SAMD4B: variants seen among roughly 807,000 people sequenced by gnomAD.
The protein encoded by SAMD4B is protein Smaug homolog 2.
SAMD4B carries 5 observed loss-of-function variants against 74.5 expected under a neutral mutation model. The observed-to-expected ratio is 0.07, with a 90% CI of 0.04 to 0.14. SAMD4B has a LOEUF of 0.14. SAMD4B is among the 10% of genes least tolerant of loss of function. The pLI, the probability that SAMD4B is intolerant of heterozygous loss-of-function variation, is 1.00. For synonymous variants in SAMD4B, 373 were observed against 374.9 expected, an observed-to-expected ratio of 1.00 and a Z score of 0.06; for missense variants, 608 against 921.8, an observed-to-expected ratio of 0.66 and a Z score of 4.41.
chr19:39,370,239 C>G (rs954773272), intron 4 of SAMD4B, 114 bp downstream of exon 4: 10 of 1,025,992 alleles, frequency 9.7e-6, no homozygotes, highest in Non-Finnish European at 1.5e-6. Flanking sequence ...CTGTAGGCCT[C>G]AACTTTATGA....
At chr19:39,390,373 G>T (rs1195908485), downstream of SAMD4B, 3 of 1,235,654 alleles carry the variant, frequency 2.4e-6, no homozygotes, top group African/African-American at 7.5e-5. Flanking sequence ...CCTTTCAAAA[G>T]GTAGGAGGGG....
chr19:39,373,606 A>G (rs915083020), intron 4 of SAMD4B, among the ~76,000 whole-genome samples: 2 of 152,124 alleles, frequency 1.3e-5, no homozygotes, highest in Non-Finnish European at 2.9e-5. Flanking sequence ...GAGGCAGAGG[A>G]AAAAGCACAG....
Position 39,381,081 on chromosome 19 carries a change from C to G in SAMD4B, c.1940C>G (p.Ser647Trp). ...VQRTHSLPVH[S>W]SPQAILMFPP... is the part of the protein sequence containing the mutation. ...CGCACCCACTCGCTCCCGGTCCACT[C>G]GTCACCCCAGGCCATTCTCATGTTC... The change falls in exon 12 of 14, where the codon TCG becomes TGG. Residue 647 changes from serine to tryptophan, a missense_variant. Ser to Trp is a radical substitution (Grantham distance 177, BLOSUM62 -3). Transcript: ENST00000610417. The G allele has an allele frequency of 1.2e-6, 2 of 1,612,650 alleles. No individual in the cohort carries two copies. Among genetic ancestry groups the G allele is most frequent in the Non-Finnish European group, 1.7e-6 (2 of 1,179,840 alleles).
rs1445934382 is a variant in SAMD4B at position 39,380,076 on chromosome 19, G to A, written c.1641G>A (p.Gln547=). ...KAALEMQNYR[Q]QKGWAFGSNS... Reference sequence around the variant, plus strand: ...CACTAGAGATGCAGAACTACCGGCAGCAGAAAGGGTAGGCGGGTGGCCAGG... The same window carrying A: ...CACTAGAGATGCAGAACTACCGGCAACAGAAAGGGTAGGCGGGTGGCCAGG... Residue 547 remains glutamine, a synonymous_variant, in exon 10 of 14, where the codon CAG becomes CAA. Coordinates refer to ENST00000610417, the MANE Select transcript of SAMD4B (RefSeq NM_001384574.2). 2 of 1,613,230 alleles carry A rather than the reference G, an allele frequency of 1.2e-6. No individual in the cohort carries two copies. Among genetic ancestry groups the A allele is most frequent in the East Asian group, 2.2e-5 (1 of 44,864 alleles).
rs531422532 is a variant in SAMD4B, at chr19:39,362,488, A to G, written c.196+5399A>G. The stretch of plus-strand genomic sequence containing the variant: ...CCAGCATCAGTTTCATGGAAGTAGG[A>G]CATGAGGCGCAACACCTAGAAACAG... On this transcript the variant is annotated intron_variant, in intron 3 of 13. Coordinates refer to ENST00000610417, the MANE Select transcript of SAMD4B (RefSeq NM_001384574.2). Among the ~76,000 whole-genome samples the G allele has an allele frequency of 5.3e-5, 8 of 152,292 alleles. No individual in the cohort carries two copies. In the East Asian group the frequency reaches 1.5e-3, roughly 29 times the overall value.
chr19:39,353,746 C>T (rs957319845), intron 1 of SAMD4B, among the ~76,000 whole-genome samples: 12 of 152,042 alleles, frequency 7.9e-5, no homozygotes, highest in Admixed American at 5.2e-4. Flanking sequence ...GGACTACAGG[C>T]GCCCGCCACC....
At chr19:39,349,586 T>C (rs754872082) in intron 1 of SAMD4B, among the ~76,000 whole-genome samples, 1 of 142,832 alleles carries the variant, frequency 7.0e-6, no homozygotes, top group Non-Finnish European at 1.6e-5. Context: ...TTGATTCTTA[T>C]AAGAGAAGTT....
chr19:39,348,290 T>C (rs1044888173), intron 1 of SAMD4B: 2 of 152,244 alleles, frequency 1.3e-5, no homozygotes, highest in Non-Finnish European at 2.9e-5. Context: ...TCTTACAGTC[T>C]AGGTGTTTTT....
rs184376640 is a variant in SAMD4B, at chr19:39,385,373, A to C, written c.*1846A>C. ...TCAGGGTGAGCTGACTGTGCCTGGC[A>C]CTGGGAGGTGGTGAGGGACACCGTC... is the stretch of plus-strand genomic sequence containing the variant. On this transcript the variant is annotated 3_prime_UTR_variant, in exon 14 of 14. Transcript: ENST00000610417. 5.2e-4 allele frequency: 208 copies of C among 403,860 alleles called. No homozygotes were observed. The highest frequency in any genetic ancestry group is 2.6e-3 in the Admixed American group (65 of 24,796). 25.0% of individuals were successfully genotyped at this position (403,860 alleles called of 1,614,324 possible).
intron 3 of SAMD4B, among the ~76,000 whole-genome samples, chr19:39,363,072 C>G (rs1263773187): frequency 6.6e-6 from 1 of 152,164 alleles, no homozygotes; most frequent in African/African-American, 2.4e-5. Flanking sequence ...TGAGGCTACT[C>G]CAATTGTTGC....
In SAMD4B at chr19:39,371,166, C is replaced by G. The variant is rs529625409; in HGVS notation, c.667+1041C>G. Among the ~76,000 whole-genome samples the G allele has an allele frequency of 9.2e-5, 14 of 152,318 alleles. No homozygotes were observed. The South Asian group carries it at 2.9e-3, about 32-fold the overall frequency. The stretch of plus-strand genomic sequence containing the variant: ...GGGAGAGGGTTCATGATGTAAACCT[C>G]AGAGTAGCTAGTCACCTTCAGCAGG... On this transcript the variant is annotated intron_variant, in intron 4 of 13. Transcript: ENST00000610417.
Position 39,375,496 on chromosome 19 carries a change from G to A in SAMD4B, c.668-154G>A, listed in dbSNP as rs2077547030. ...TGGGTGTTGGAGGTAAGAGAATGAG[G>A]TATATCTGGTAGGCAGTTACCCTTG... On this transcript the variant is annotated intron_variant, in intron 4 of 13. Transcript: ENST00000610417. This position sits in a 1 kb window ranked among gnomAD's most constrained non-coding sequence, Gnocchi z 4.1. 6.6e-6 allele frequency among the ~76,000 whole-genome samples: 1 copy of A among 152,186 alleles called. No individual in the cohort carries two copies. The highest frequency in any genetic ancestry group is 2.1e-4 in the South Asian group (1 of 4,838).
intron 1 of SAMD4B, chr19:39,352,468 A>C (rs2076095079): frequency 6.6e-6 from 1 of 150,474 alleles, no homozygotes; most frequent in Non-Finnish European, 1.5e-5. Context: ...TAAAATTCAG[A>C]TATCTGGCTC....
Position 39,385,192 on chromosome 19 carries a change from T to G in SAMD4B, c.*1665T>G. Reference sequence around the variant, plus strand: ...CCCCGGCCCTCCATGTTTCTGTGCCTTTGCTCATCCCCTCAATCTCCCAGG... The same window carrying G: ...CCCCGGCCCTCCATGTTTCTGTGCCGTTGCTCATCCCCTCAATCTCCCAGG... On this transcript the variant is annotated 3_prime_UTR_variant, in exon 14 of 14. Coordinates refer to ENST00000610417, the MANE Select transcript of SAMD4B (RefSeq NM_001384574.2). 1.1e-5 allele frequency: 2 copies of G among 176,224 alleles called. No individual in the cohort carries two copies. Among genetic ancestry groups the G allele is most frequent in the Non-Finnish European group, 1.2e-5 (1 of 85,384 alleles). The allele number at this position is 176,224 out of a possible 1,614,324, so 10.9% of individuals were successfully genotyped here. A position where few individuals can be genotyped will look rare whatever the true frequency, so the allele number is the denominator to read the frequency against.
At chr19:39,386,185 C>G (rs146793593), downstream of SAMD4B, 123 of 1,614,196 alleles carry the variant, frequency 7.6e-5, 1 homozygote, top group African/African-American at 1.1e-3. The surrounding 1 kb of genome is among the most constrained non-coding windows in gnomAD (Gnocchi z 6.1). Context: ...CTGTCCTCAT[C>G]ATCAGAGTCG....
At chr19:39,364,796 G>A (rs2076858197) in intron 3 of SAMD4B, among the ~76,000 whole-genome samples, 1 of 152,132 alleles carries the variant, frequency 6.6e-6, no homozygotes. Flanking sequence ...ATGGCCTGAA[G>A]GACAGCTTCA....
chr19:39,384,439 C>T lies in SAMD4B; in HGVS notation c.*912C>T, dbSNP rs370477282. 1 of 152,666 alleles carries T rather than the reference C, an allele frequency of 6.6e-6. No homozygotes were observed. Among genetic ancestry groups the T allele is most frequent in the Non-Finnish European group, 1.5e-5 (1 of 68,054 alleles). The allele number at this position is 152,666 out of a possible 1,614,324, so 9.5% of individuals were successfully genotyped here. ...TTCCCCACGAACACACACCCTTCTC[C>T]GCTCCCAGGTCTGGTTGGTGAGACT... is the stretch of plus-strand genomic sequence containing the variant. On this transcript the variant is annotated 3_prime_UTR_variant, in exon 14 of 14. Transcript: ENST00000610417.
intron 1 of SAMD4B, chr19:39,352,169 A>G (rs963837828): frequency 2.6e-5 from 4 of 152,158 alleles, no homozygotes; most frequent in Admixed American, 1.3e-4. Context: ...TAACAGTGAA[A>G]TCTTAAAAGT....
At chr19:39,346,129 T>C (rs1195692676) in intron 1 of SAMD4B, among the ~76,000 whole-genome samples, 1 of 152,018 alleles carries the variant, frequency 6.6e-6, no homozygotes, top group African/African-American at 2.4e-5. Flanking sequence ...CCAGGGTAAA[T>C]ATTGGGGCCT....
Sources: allele counts gnomAD v4.1 joint callset (sites outside exome capture counted in the v4.1 genomes callset), GRCh38; gene constraint gnomAD v4.1.1; non-coding constraint Gnocchi (gnomAD v3.1); transcripts MANE v1.5; gene names NCBI Gene and HGNC (gene_info 2026-07-23, HGNC 2026-07-21).